Variants in ELAVL4 observed in about 807,000 individuals in gnomAD.
The protein encoded by ELAVL4 is ELAV like RNA binding protein 4, also known as ELAV-like protein 4.
ELAVL4 carries 1 observed loss-of-function variant against 35.6 expected under a neutral mutation model. The ratio of observed to expected loss-of-function variants is 0.03; its 90% CI spans 0.01 to 0.13. The LOEUF is 0.13. ELAVL4 is among the 10% of genes least tolerant of loss of function. ELAVL4 has a pLI of 1.00. For missense variants in ELAVL4, 267 were observed against 464.9 expected, an observed-to-expected ratio of 0.57 and a Z score of 3.91; for synonymous variants, 156 against 171.0, an observed-to-expected ratio of 0.91 and a Z score of 0.69.
At position 50,048,196 on chromosome 1, in the gene ELAVL4, G is replaced by C. The variant is rs1663167758; in HGVS notation, c.18+14G>C. ...CTCAAGAACCAGGTAGAAGCGCCTC[G>C]GCGCAGGCCCCGCACCCCCGACTCT... is the stretch of plus-strand genomic sequence containing the variant. On this transcript the variant is annotated intron_variant, in intron 1 of 6. Transcript: ENST00000448907. 5.3e-6 allele frequency: 8 copies of C among 1,518,604 alleles called. 1 individual carries two copies. The East Asian group carries it at 1.6e-4, about 30-fold the overall frequency. The allele number at this position is 1,518,604 out of a possible 1,614,324, so 94.1% of individuals were successfully genotyped here. A position where few individuals can be genotyped will look rare whatever the true frequency, so the allele number is the denominator to read the frequency against.
intron 2 of ELAVL4, chr1:50,175,944 T>C (rs1332907279): frequency 6.6e-6 from 1 of 152,182 alleles, no homozygotes; most frequent in Non-Finnish European, 1.5e-5. Context: ...TTCCTCCCCT[T>C]CGGCTCTGCT....
intron 1 of ELAVL4, among the ~76,000 whole-genome samples, chr1:50,084,403 C>A (rs182979126): frequency 2.7e-4 from 41 of 152,298 alleles, no homozygotes; most frequent in African/African-American, 9.9e-4. Context: ...TACTGTCCCA[C>A]ATAACCACTG....
chr1:50,155,979 A>G (rs1199350651), intron 2 of ELAVL4, among the ~76,000 whole-genome samples: 1 of 152,152 alleles, frequency 6.6e-6, no homozygotes, highest in Non-Finnish European at 1.5e-5. Context: ...ACCCCAGCAC[A>G]CACACACATC....
upstream of ELAVL4, chr1:50,108,910 G>A: frequency 1.8e-6 from 2 of 1,093,320 alleles, no homozygotes; most frequent in Non-Finnish European, 2.2e-6. Context: ...ATGTAAAAAG[G>A]GGAAGCTTCG....
chr1:50,076,774 T>A (rs1664784923), intron 1 of ELAVL4, among the ~76,000 whole-genome samples: 1 of 152,140 alleles, frequency 6.6e-6, no homozygotes, highest in Admixed American at 6.5e-5. Flanking sequence ...GGGGAAATAT[T>A]TGACGATTAT....
At chr1:50,057,067 C>T (rs1663716719) in intron 1 of ELAVL4, among the ~76,000 whole-genome samples, 1 of 151,932 alleles carries the variant, frequency 6.6e-6, no homozygotes, top group Admixed American at 6.5e-5. Context: ...TGTTATTGCC[C>T]TTGAAGACCT....
intron 3 of ELAVL4, among the ~76,000 whole-genome samples, chr1:50,181,675 G>GTGTGT (rs113191983): frequency 1.3e-5 from 2 of 150,998 alleles, no homozygotes; most frequent in Non-Finnish European, 3.0e-5. Context: ...GTATGTGTGT[G>GTGTGT]TTTGTTTTGT....
intron 1 of ELAVL4, among the ~76,000 whole-genome samples, chr1:50,060,084 T>A (rs1470519922): frequency 6.6e-6 from 1 of 152,190 alleles, no homozygotes; most frequent in Non-Finnish European, 1.5e-5. Flanking sequence ...AATGGTTAGT[T>A]TTGTTTTATA....
chr1:50,182,272 T>C (rs929018513), intron 3 of ELAVL4, among the ~76,000 whole-genome samples: 1 of 152,252 alleles, frequency 6.6e-6, no homozygotes, highest in African/African-American at 2.4e-5. Flanking sequence ...AAGTTTTGGA[T>C]TGATGTTCAA....
In ELAVL4 at chr1:50,109,015, T is replaced by TGGGGGGGGG; in HGVS notation, c.-175_-174insGGGGGGGGG. The TGGGGGGGGG allele has an allele frequency of 1.0e-6, 1 of 961,024 alleles. No homozygotes were observed. The highest frequency in any genetic ancestry group is 1.2e-6 in the Non-Finnish European group (1 of 816,908). The allele number at this position is 961,024 out of a possible 1,614,324, so 59.5% of individuals were successfully genotyped here. A position where few individuals can be genotyped will look rare whatever the true frequency, so the allele number is the denominator to read the frequency against. On this transcript the variant is annotated 5_prime_UTR_variant, in exon 1 of 7. Transcript: ENST00000371824. The stretch of plus-strand genomic sequence containing the variant: ...GCTCCTTTTCTTTTTTTTCTTTCTC[T>TGGGGGGGGG]CCCCCGCCCACCCCCCCAAAAATAA...
chr1:50,171,477 G>A (rs1219852686), intron 2 of ELAVL4, among the ~76,000 whole-genome samples: 3 of 152,184 alleles, frequency 2.0e-5, no homozygotes, highest in Non-Finnish European at 4.4e-5. Flanking sequence ...CAGTAGGCCT[G>A]ATGATACCCA....
chr1:50,110,690 A>G (rs952259915), intron 1 of ELAVL4, among the ~76,000 whole-genome samples: 1 of 152,120 alleles, frequency 6.6e-6, no homozygotes, highest in Admixed American at 6.5e-5. Context: ...TAAATTCATA[A>G]CCATCTTACT....
intron 2 of ELAVL4, among the ~76,000 whole-genome samples, chr1:50,149,003 A>T (rs1674247047): frequency 6.6e-6 from 1 of 152,104 alleles, no homozygotes; most frequent in African/African-American, 2.4e-5. Flanking sequence ...AGCAGAGCTG[A>T]ATTATTATTA....
At chr1:50,083,515 A>G (rs1323539057) in intron 1 of ELAVL4, among the ~76,000 whole-genome samples, 2 of 152,192 alleles carry the variant, frequency 1.3e-5, no homozygotes, top group Non-Finnish European at 2.9e-5. Flanking sequence ...TCTGACTTCA[A>G]AGCTCCTTCC....
At chr1:50,075,818 T>TAG (rs952906371) in intron 1 of ELAVL4, among the ~76,000 whole-genome samples, 27 of 150,182 alleles carry the variant, frequency 1.8e-4, no homozygotes, top group African/African-American at 4.2e-4. Flanking sequence ...TAGATATAGA[T>TAG]AGAGAGAGAG....
chr1:50,193,977 C>T, intron 4 of ELAVL4, 59 bp downstream of exon 4: 2 of 1,584,934 alleles, frequency 1.3e-6, no homozygotes, highest in Non-Finnish European at 1.7e-6. Flanking sequence ...CCCTGTTACT[C>T]ATAAGAGCAG....
chr1:50,151,983 G>A (rs1426287371), intron 2 of ELAVL4, among the ~76,000 whole-genome samples: 1 of 152,024 alleles, frequency 6.6e-6, no homozygotes, highest in African/African-American at 2.4e-5. Flanking sequence ...AGTAAACCAT[G>A]TAATCATTGT....
At chr1:50,100,089 A>G (rs1290129909), upstream of ELAVL4, among the ~76,000 whole-genome samples, 2 of 152,222 alleles carry the variant, frequency 1.3e-5, no homozygotes, top group African/African-American at 4.8e-5. Flanking sequence ...ATACGTAAGC[A>G]TGAAACTTAA....
chr1:50,079,629 T>C (rs1230068488), intron 1 of ELAVL4, among the ~76,000 whole-genome samples: 2 of 152,194 alleles, frequency 1.3e-5, no homozygotes, highest in African/African-American at 2.4e-5. Flanking sequence ...AAAGTTATTC[T>C]GTTTCAGAGG....
Sources: allele counts gnomAD v4.1 joint callset (sites outside exome capture counted in the v4.1 genomes callset), GRCh38; gene constraint gnomAD v4.1.1; transcripts MANE v1.5; gene names NCBI Gene and HGNC (gene_info 2026-07-23, HGNC 2026-07-21).